CADM2: variants seen among roughly 807,000 people sequenced by gnomAD.
CADM2 encodes cell adhesion molecule 2.
CADM2 carries 12 observed loss-of-function variants against 49.8 expected under a neutral mutation model. The observed-to-expected ratio is 0.24, with a 90% confidence interval of 0.15 to 0.39. The LOEUF (loss-of-function observed/expected upper bound fraction) is 0.39, where lower values mean the gene tolerates loss of function less well. CADM2 is among the 10% of genes least tolerant of loss of function. The pLI, the probability that CADM2 is intolerant of heterozygous loss-of-function variation, is 1.00. For synonymous variants in CADM2, 214 were observed against 175.4 expected, an observed-to-expected ratio of 1.22 and a Z score of -1.74; for missense variants, 378 against 492.3, an observed-to-expected ratio of 0.77 and a Z score of 2.20.
intron 1 of CADM2, among the ~76,000 whole-genome samples, chr3:85,085,393 T>A (rs1175690502): frequency 2.6e-5 from 4 of 152,074 alleles, no homozygotes; most frequent in Non-Finnish European, 1.5e-5. Flanking sequence ...CAGTATTTTT[T>A]TCTTTTTTAA....
chr3:84,994,796 AG>A (rs1242474478), intron 1 of CADM2, among the ~76,000 whole-genome samples: 3 of 152,094 alleles, frequency 2.0e-5, no homozygotes, highest in Non-Finnish European at 4.4e-5. Context: ...TAGGAGGCCC[AG>A]GTGGCCAGAT....
At chr3:85,362,825 C>A (rs1291979282) in intron 1 of CADM2, among the ~76,000 whole-genome samples, 2 of 152,136 alleles carry the variant, frequency 1.3e-5, no homozygotes, top group African/African-American at 4.8e-5. Context: ...ATTCTAACAT[C>A]ACATTCCCAT....
chr3:85,718,760 G>A (rs897324754), intron 1 of CADM2, among the ~76,000 whole-genome samples: 2 of 151,550 alleles, frequency 1.3e-5, no homozygotes, highest in Non-Finnish European at 2.9e-5. Context: ...GGGAAAATAA[G>A]TAATTATATA....
At chr3:85,338,025 A>C (rs1051387005) in intron 1 of CADM2, among the ~76,000 whole-genome samples, 1 of 151,692 alleles carries the variant, frequency 6.6e-6, no homozygotes, top group Non-Finnish European at 1.5e-5. Flanking sequence ...CATTGCCTCC[A>C]TCAGCGCCTC....
intron 1 of CADM2, among the ~76,000 whole-genome samples, chr3:85,240,042 G>T (rs1042443368): frequency 2.2e-4 from 34 of 151,402 alleles, no homozygotes. Context: ...CATTTTGTAA[G>T]AAATTTTTCA....
At chr3:85,927,120 G>A (rs369364006) in intron 6 of CADM2, among the ~76,000 whole-genome samples, 12 of 152,254 alleles carry the variant, frequency 7.9e-5, no homozygotes, top group Admixed American at 2.6e-4. Context: ...ACATCAATGC[G>A]TATTATTTAC....
At chr3:85,388,087 G>A (rs960841631) in intron 1 of CADM2, among the ~76,000 whole-genome samples, 2 of 152,286 alleles carry the variant, frequency 1.3e-5, no homozygotes, top group Non-Finnish European at 2.9e-5. Flanking sequence ...GCATTGCAGT[G>A]GTGCCATCAC....
Position 85,568,473 on chromosome 3 carries a change from C to CTCTCTCTCTCTCTTTCTTTCTTTCTT in CADM2, c.62-158046_62-158045insCTCTCTCTCTTTCTTTCTTTCTTTCT, listed in dbSNP as rs1310030589. Among the ~76,000 whole-genome samples, 4 of 27,612 alleles carry CTCTCTCTCTCTCTTTCTTTCTTTCTT rather than the reference C, an allele frequency of 1.4e-4. 1 individual carries two copies. The highest frequency in any genetic ancestry group is 1.5e-4 in the African/African-American group (2 of 12,928). The allele number at this position is 27,612 out of a possible 152,430, so 18.1% of individuals were successfully genotyped here. A position where few individuals can be genotyped will look rare whatever the true frequency, so the allele number is the denominator to read the frequency against. On this transcript the variant is annotated intron_variant, in intron 1 of 9. Coordinates refer to ENST00000383699, the MANE Select transcript of CADM2 (RefSeq NM_001167675.2). ...TTTCTTTCTTTCTTTCTCTTTCTCT[C>CTCTCTCTCTCTCTTTCTTTCTTTCTT]TCTTTCTTTCTTTCTTTCTTTCTTT...
chr3:85,869,957 T>G (rs551947019), intron 3 of CADM2, among the ~76,000 whole-genome samples: 42 of 152,256 alleles, frequency 2.8e-4, no homozygotes, highest in Non-Finnish European at 3.4e-4. Context: ...CACCGCGCCC[T>G]GCCCTATCTG....
intron 8 of CADM2, among the ~76,000 whole-genome samples, chr3:86,022,177 TGTC>T (rs1449010896): frequency 2.6e-5 from 4 of 152,152 alleles, no homozygotes; most frequent in Non-Finnish European, 5.9e-5. Flanking sequence ...TACACATAAT[TGTC>T]ATTTTAGCTT....
intron 1 of CADM2, among the ~76,000 whole-genome samples, chr3:85,078,240 G>T (rs2037024050): frequency 6.6e-6 from 1 of 151,886 alleles, no homozygotes; most frequent in African/African-American, 2.4e-5. Flanking sequence ...GAAAGAGAAA[G>T]AACAGAAAAT....
chr3:86,012,054 A>C (rs1365724519), intron 8 of CADM2, among the ~76,000 whole-genome samples: 1 of 152,044 alleles, frequency 6.6e-6, no homozygotes, highest in African/African-American at 2.4e-5. Context: ...AAATATACTC[A>C]TATGGAAATA....
At chr3:85,688,973 G>A (rs541813668) in intron 1 of CADM2, among the ~76,000 whole-genome samples, 25 of 152,280 alleles carry the variant, frequency 1.6e-4, no homozygotes, top group Admixed American at 7.8e-4. Flanking sequence ...TTCACGACAA[G>A]ACTTTGATGT....
intron 1 of CADM2, among the ~76,000 whole-genome samples, chr3:85,001,833 AT>A (rs1165489072): frequency 3.3e-5 from 5 of 152,230 alleles, no homozygotes; most frequent in East Asian, 1.9e-4. Flanking sequence ...AATTAAAAAA[AT>A]AAACATGTAT....
intron 7 of CADM2, among the ~76,000 whole-genome samples, chr3:85,936,455 C>A (rs1346432527): frequency 1.3e-5 from 2 of 151,602 alleles, no homozygotes; most frequent in Admixed American, 1.3e-4. Flanking sequence ...CAAGGAATAC[C>A]AATTATTAAG....
intron 2 of CADM2, among the ~76,000 whole-genome samples, chr3:85,728,559 G>A (rs1369137414): frequency 6.6e-6 from 1 of 151,972 alleles, no homozygotes; most frequent in African/African-American, 2.4e-5. Flanking sequence ...AAGTGGATAA[G>A]AGGAAAATAA....
intron 1 of CADM2, among the ~76,000 whole-genome samples, chr3:85,264,425 A>G (rs1033456615): frequency 6.6e-6 from 1 of 152,134 alleles, no homozygotes; most frequent in African/African-American, 2.4e-5. Context: ...AGACAATCGT[A>G]TATCAGAAAA....
rs575480615 is a variant in CADM2, at chr3:85,310,570, G to A, written c.61+350902G>A. Among the ~76,000 whole-genome samples, 18 of 152,212 alleles carry A rather than the reference G, an allele frequency of 1.2e-4. No homozygotes were observed. In the South Asian group the frequency reaches 3.5e-3, roughly 30 times the overall value. Reference sequence around the variant, plus strand: ...AAGAGTCACTATTTCATTACTTTAGGCAGCAGAATCCCTTGGAAATTTACA... The same window carrying A: ...AAGAGTCACTATTTCATTACTTTAGACAGCAGAATCCCTTGGAAATTTACA... On this transcript the variant is annotated intron_variant, in intron 1 of 9. Coordinates refer to ENST00000383699, the MANE Select transcript of CADM2 (RefSeq NM_001167675.2).
intron 8 of CADM2, among the ~76,000 whole-genome samples, chr3:85,969,420 C>T (rs1045990156): frequency 6.6e-6 from 1 of 151,364 alleles, no homozygotes; most frequent in Admixed American, 6.6e-5. Context: ...ACAAGAAATG[C>T]TGCCAGAAAT....
Sources: gnomAD v4.1 joint callset for allele counts (sites outside exome capture counted in the v4.1 genomes callset) on GRCh38, gnomAD v4.1.1 for gene constraint, MANE v1.5 for transcripts, NCBI Gene and HGNC (gene_info 2026-07-23, HGNC 2026-07-21) for gene names.